Variants in RAB39A observed in about 807,000 individuals in gnomAD.
RAB39A encodes the protein ras-related protein Rab-39A.
In RAB39A, 17 loss-of-function variants were observed where a neutral mutation model predicts 20.9. The ratio of observed to expected loss-of-function variants is 0.81; its 90% CI spans 0.56 to 1.22. The LOEUF (loss-of-function observed/expected upper bound fraction) is 1.22, where lower values mean the gene tolerates loss of function less well. Among genes scored for constraint, RAB39A ranks in the 50% most tolerant of loss-of-function variants. The pLI, the probability that RAB39A is intolerant of heterozygous loss-of-function variation, is 0.00. For missense variants in RAB39A, 234 were observed against 270.5 expected (o/e 0.87, Z 0.95); for synonymous variants, 99 against 103.4 (o/e 0.96, Z 0.26).
intron 1 of RAB39A, among the ~76,000 whole-genome samples, chr11:107,931,193 T>G (rs1383822535): frequency 6.6e-6 from 1 of 152,168 alleles, no homozygotes. Flanking sequence ...GTCAGGCTGG[T>G]CTTGAATTCC....
At chr11:107,935,721 T>C (rs1269686534) in intron 1 of RAB39A, among the ~76,000 whole-genome samples, 2 of 151,774 alleles carry the variant, frequency 1.3e-5, no homozygotes, top group Non-Finnish European at 2.9e-5. Flanking sequence ...CAAGAATCGA[T>C]ATTATTATCT....
chr11:107,946,388 G>T (rs1455754260), intron 1 of RAB39A, among the ~76,000 whole-genome samples: 1 of 57,172 alleles, frequency 1.7e-5, no homozygotes, highest in Non-Finnish European at 3.3e-5. Flanking sequence ...ATATATGTGG[G>T]TGTATATATG....
rs533516124 is a variant in RAB39A at position 107,960,263 on chromosome 11, G to A, written c.228-1683G>A. On this transcript the variant is annotated intron_variant, in intron 1 of 1. Transcript: ENST00000320578. ...AAACATTGTATGACATCTGTCATTT[G>A]CCATGCAGTATGATTGACATAACAG... Among the ~76,000 whole-genome samples the A allele has an allele frequency of 5.9e-5, 9 of 151,732 alleles. No individual in the cohort carries two copies. The South Asian group carries it at 1.9e-3, about 32-fold the overall frequency.
Position 107,928,859 on chromosome 11 carries a change from C to T in RAB39A, c.227+64C>T. 1 of 1,329,444 alleles carries T rather than the reference C, an allele frequency of 7.5e-7. No individual in the cohort carries two copies. Among genetic ancestry groups the T allele is most frequent in the Non-Finnish European group, 1.0e-6 (1 of 986,296 alleles). 82.4% of individuals were successfully genotyped at this position (1,329,444 alleles called of 1,614,324 possible). On this transcript the variant is annotated intron_variant, in intron 1 of 1. Transcript: ENST00000320578. This position sits in a 1 kb window ranked among gnomAD's most constrained non-coding sequence, Gnocchi z 4.9. ...TCAGCCCGCCCGGACGCCCCTTCCC[C>T]AGGCGTCCGCCCCGCCGGCCCTGGT...
At chr11:107,941,289 T>A (rs1224824986) in intron 1 of RAB39A, among the ~76,000 whole-genome samples, 1 of 152,192 alleles carries the variant, frequency 6.6e-6, no homozygotes, top group Non-Finnish European at 1.5e-5. Flanking sequence ...AGAGTCCTAT[T>A]ACACAGTGTT....
rs1237320187 is a variant in RAB39A, at chr11:107,946,343, C to CACACATAT, written c.228-15602_228-15601insCACATATA. ...ATATATATACACACACACACACACA[C>CACACATAT]ATATATATACACACACACATATATA... On this transcript the variant is annotated intron_variant, in intron 1 of 1. Transcript: ENST00000320578. Among the ~76,000 whole-genome samples the CACACATAT allele has an allele frequency of 8.2e-3, 973 of 118,404 alleles. 18 individuals carry two copies. Among genetic ancestry groups the CACACATAT allele is most frequent in the African/African-American group, 0.029 (910 of 30,912 alleles). The allele number at this position is 118,404 out of a possible 152,430, so 77.7% of individuals were successfully genotyped here.
intron 1 of RAB39A, among the ~76,000 whole-genome samples, chr11:107,935,309 G>GTA (rs1483687172): frequency 6.6e-6 from 1 of 152,098 alleles, no homozygotes; most frequent in Non-Finnish European, 1.5e-5. Flanking sequence ...TACAATGCTT[G>GTA]TATATATATG....
intron 1 of RAB39A, among the ~76,000 whole-genome samples, chr11:107,932,278 A>G (rs1861145677): frequency 6.6e-6 from 1 of 152,230 alleles, no homozygotes; most frequent in African/African-American, 2.4e-5. Flanking sequence ...ATATGTGAAC[A>G]TAACTGTAGA....
chr11:107,947,247 G>T (rs1486835263), intron 1 of RAB39A, among the ~76,000 whole-genome samples: 8 of 151,852 alleles, frequency 5.3e-5, no homozygotes, highest in South Asian at 2.1e-4. Context: ...GACTACAGGC[G>T]TCCGCCACCA....
At chr11:107,955,159 G>A (rs1394822069) in intron 1 of RAB39A, among the ~76,000 whole-genome samples, 1 of 151,736 alleles carries the variant, frequency 6.6e-6, no homozygotes, top group Non-Finnish European at 1.5e-5. Context: ...ACCATGCCCG[G>A]CTAATTTTTT....
intron 1 of RAB39A, among the ~76,000 whole-genome samples, chr11:107,943,182 A>T (rs1241359416): frequency 6.6e-6 from 1 of 152,198 alleles, no homozygotes; most frequent in Non-Finnish European, 1.5e-5. Context: ...AGCTGGGCAC[A>T]TACTGAATGT....
chr11:107,950,278 C>T (rs1007959194), intron 1 of RAB39A, among the ~76,000 whole-genome samples: 5 of 152,032 alleles, frequency 3.3e-5, no homozygotes, highest in African/African-American at 1.2e-4. Context: ...TTACAAATCC[C>T]TACTGTAAAT....
chr11:107,946,454 ATATATATTTTTTTTTT>A (rs1861317562), intron 1 of RAB39A, among the ~76,000 whole-genome samples: 2 of 61,926 alleles, frequency 3.2e-5, no homozygotes, highest in Non-Finnish European at 6.1e-5. Flanking sequence ...ATATATATAT[ATATATATTTTTTTTTT>A]TTTTTTTTTT....
intron 1 of RAB39A, among the ~76,000 whole-genome samples, chr11:107,934,166 G>A (rs893049233): frequency 2.0e-5 from 3 of 152,122 alleles, no homozygotes; most frequent in African/African-American, 4.8e-5. Context: ...GGTGAGTCAC[G>A]TCTGTAATCC....
chr11:107,959,763 C>T (rs534192164), intron 1 of RAB39A, among the ~76,000 whole-genome samples: 2 of 152,260 alleles, frequency 1.3e-5, no homozygotes, highest in South Asian at 2.1e-4. Flanking sequence ...GAAAGTATGA[C>T]GGTAACAAAT....
intron 1 of RAB39A, among the ~76,000 whole-genome samples, chr11:107,958,255 G>A (rs1026488019): frequency 7.2e-5 from 11 of 152,144 alleles, no homozygotes; most frequent in African/African-American, 2.7e-4. Context: ...ACAAGAGATT[G>A]TTGCTTAAAA....
chr11:107,945,574 T>A (rs1241094092), intron 1 of RAB39A, among the ~76,000 whole-genome samples: 2 of 150,552 alleles, frequency 1.3e-5, no homozygotes, highest in Admixed American at 6.6e-5. Flanking sequence ...GTAAAAAAAA[T>A]ATCTAAAACC....
intron 1 of RAB39A, among the ~76,000 whole-genome samples, chr11:107,951,233 T>G (rs1480292230): frequency 1.3e-5 from 2 of 152,210 alleles, no homozygotes; most frequent in African/African-American, 4.8e-5. Context: ...GGGAGGCTTG[T>G]GTTTTAGCCT....
At chr11:107,933,601 A>G (rs185324364) in intron 1 of RAB39A, among the ~76,000 whole-genome samples, 27 of 150,658 alleles carry the variant, frequency 1.8e-4, no homozygotes, top group Admixed American at 7.9e-4. Context: ...CGAACACCTG[A>G]TCTCAAGTGA....
Sources: allele counts gnomAD v4.1 joint callset (sites outside exome capture counted in the v4.1 genomes callset), GRCh38; gene constraint gnomAD v4.1.1; non-coding constraint Gnocchi (gnomAD v3.1); transcripts MANE v1.5; gene names NCBI Gene and HGNC (gene_info 2026-07-23, HGNC 2026-07-21).